Variants in SLC26A7 observed in about 807,000 individuals in gnomAD.
SLC26A7 encodes the protein solute carrier family 26 member 7.
A neutral mutation model predicts 82.5 loss-of-function variants in SLC26A7; 59 were observed. The observed-to-expected ratio is 0.72, with a 90% CI of 0.58 to 0.89. The LOEUF (loss-of-function observed/expected upper bound fraction) is 0.89. Among genes scored for constraint, SLC26A7 ranks in the 40% least tolerant of loss-of-function variants. SLC26A7 has a pLI of 0.00. For missense variants in SLC26A7, 820 were observed against 793.0 expected (o/e 1.03, Z -0.41); for synonymous variants, 271 against 274.3 (o/e 0.99, Z 0.12).
chr8:91,379,544 G>A (rs968952263), intron 15 of SLC26A7, among the ~76,000 whole-genome samples: 2 of 151,918 alleles, frequency 1.3e-5, no homozygotes, highest in African/African-American at 2.4e-5. Flanking sequence ...GACAAAAATG[G>A]CACTATAGAG....
rs58981485 is a variant in SLC26A7, at chr8:91,316,451, A to ATTTTTTT, written c.478-1732_478-1726dup. 1.8e-3 allele frequency among the ~76,000 whole-genome samples: 63 copies of ATTTTTTT among 34,422 alleles called. 10 individuals carry two copies. The highest frequency in any genetic ancestry group is 2.7e-3 in the Non-Finnish European group (50 of 18,846). The allele number at this position is 34,422 out of a possible 152,430, so 22.6% of individuals were successfully genotyped here. A position where few individuals can be genotyped will look rare whatever the true frequency, so the allele number is the denominator to read the frequency against. On this transcript the variant is annotated intron_variant, in intron 4 of 18. Coordinates refer to ENST00000276609, the MANE Select transcript of SLC26A7 (RefSeq NM_052832.4). Reference sequence around the variant, plus strand: ...GAACTCGCTGCCACACTCAACACTAATTTTTTTTTTTTTTTTTTTTTTTTT... The same window carrying ATTTTTTT: ...GAACTCGCTGCCACACTCAACACTAATTTTTTTTTTTTTTTTTTTTTTTTTTTTTTTT...
intron 2 of SLC26A7, among the ~76,000 whole-genome samples, chr8:91,240,897 C>A (rs888103819): frequency 6.6e-6 from 1 of 152,066 alleles, no homozygotes; most frequent in Non-Finnish European, 1.5e-5. Context: ...TTGAGTGAGA[C>A]CCTCAAAAGA....
At chr8:91,253,374 C>T (rs1465841976) in intron 2 of SLC26A7, among the ~76,000 whole-genome samples, 2 of 152,116 alleles carry the variant, frequency 1.3e-5, no homozygotes, top group East Asian at 3.9e-4. Flanking sequence ...TATCCCCTCT[C>T]ATTTTAACTA....
chr8:91,235,011 C>T (rs1188797528), intron 2 of SLC26A7, among the ~76,000 whole-genome samples: 2 of 151,962 alleles, frequency 1.3e-5, no homozygotes, highest in African/African-American at 4.8e-5. Context: ...CCTCTACCTC[C>T]TGGGCTCAAG....
chr8:91,320,124 A>C (rs1016531363), intron 5 of SLC26A7, among the ~76,000 whole-genome samples: 3 of 151,936 alleles, frequency 2.0e-5, no homozygotes, highest in Non-Finnish European at 2.9e-5. Flanking sequence ...GTACAGTGGC[A>C]TGATCTTGGC....
At chr8:91,247,820 C>T (rs576806026), upstream of SLC26A7, among the ~76,000 whole-genome samples, 4 of 152,014 alleles carry the variant, frequency 2.6e-5, no homozygotes, top group African/African-American at 9.6e-5. Flanking sequence ...TTCAGTTAAG[C>T]TTTCAATTAT....
chr8:91,266,145 A>G (rs1275586952), intron 2 of SLC26A7, among the ~76,000 whole-genome samples: 2 of 151,766 alleles, frequency 1.3e-5, no homozygotes, highest in African/African-American at 4.8e-5. Flanking sequence ...ATGGCTCTGT[A>G]GTATATTTTG....
intron 15 of SLC26A7, among the ~76,000 whole-genome samples, chr8:91,386,545 T>C (rs915294788): frequency 6.6e-6 from 1 of 152,204 alleles, no homozygotes; most frequent in African/African-American, 2.4e-5. Flanking sequence ...AATATGTCAG[T>C]GGTTTAAGTC....
intron 8 of SLC26A7, 145 bp from the exon 9 acceptor site, chr8:91,343,208 A>G (rs1586432911): frequency 1.7e-6 from 1 of 585,336 alleles, no homozygotes; most frequent in Non-Finnish European, 3.0e-6. Flanking sequence ...AATGTTAGCT[A>G]TTTGTATTGT....
At chr8:91,330,301 G>A (rs1425170640) in intron 5 of SLC26A7, among the ~76,000 whole-genome samples, 1 of 152,082 alleles carries the variant, frequency 6.6e-6, no homozygotes, top group Non-Finnish European at 1.5e-5. Flanking sequence ...CAGAATTCAG[G>A]CTCAACCTGA....
intron 15 of SLC26A7, among the ~76,000 whole-genome samples, chr8:91,387,667 TAA>T (rs1814836645): frequency 6.6e-6 from 1 of 152,246 alleles, no homozygotes; most frequent in Non-Finnish European, 1.5e-5. Flanking sequence ...CTTTTTGCAT[TAA>T]GTCTTCCCTG....
At chr8:91,372,277 T>C (rs563537078) in intron 15 of SLC26A7, among the ~76,000 whole-genome samples, 116 of 151,978 alleles carry the variant, frequency 7.6e-4, no homozygotes, top group African/African-American at 2.5e-3. Context: ...GTTGCATTTG[T>C]TTTGAGATCA....
At chr8:91,255,578 T>C (rs1262384074) in intron 2 of SLC26A7, among the ~76,000 whole-genome samples, 2 of 152,054 alleles carry the variant, frequency 1.3e-5, no homozygotes, top group African/African-American at 4.8e-5. Context: ...CCTAAATGAG[T>C]CTAAAGTATA....
intron 2 of SLC26A7, among the ~76,000 whole-genome samples, chr8:91,234,300 A>C (rs182008360): frequency 2.0e-5 from 3 of 152,298 alleles, no homozygotes; most frequent in African/African-American, 7.2e-5. Context: ...ATTCTTTTCA[A>C]AATGTTAAAG....
At chr8:91,270,856 A>G (rs1239046102) in intron 2 of SLC26A7, among the ~76,000 whole-genome samples, 3 of 152,170 alleles carry the variant, frequency 2.0e-5, no homozygotes, top group Admixed American at 2.0e-4. Context: ...AGTAGGTTAA[A>G]ATAGGACTGT....
chr8:91,297,630 C>T (rs550463798), intron 4 of SLC26A7, among the ~76,000 whole-genome samples: 1 of 152,040 alleles, frequency 6.6e-6, no homozygotes, highest in South Asian at 2.1e-4. Context: ...ACGTTTTAGC[C>T]AATTTTTAAG....
At chr8:91,280,178 C>T (rs1811531135) in intron 2 of SLC26A7, among the ~76,000 whole-genome samples, 1 of 152,130 alleles carries the variant, frequency 6.6e-6, no homozygotes, top group African/African-American at 2.4e-5. Context: ...AATCAGTGCC[C>T]AGACCAATGT....
chr8:91,302,423 A>G (rs1563668661), intron 4 of SLC26A7, among the ~76,000 whole-genome samples: 1 of 152,126 alleles, frequency 6.6e-6, no homozygotes, highest in African/African-American at 2.4e-5. Flanking sequence ...CAGACAAAAT[A>G]AATAATTTCT....
At chr8:91,330,030 T>C (rs1481201851) in intron 5 of SLC26A7, among the ~76,000 whole-genome samples, 1 of 152,170 alleles carries the variant, frequency 6.6e-6, no homozygotes, top group Non-Finnish European at 1.5e-5. Context: ...GTACCTACTT[T>C]TCTTTTGAAG....
Sources: gnomAD v4.1 joint callset for allele counts (sites outside exome capture counted in the v4.1 genomes callset) on GRCh38, gnomAD v4.1.1 for gene constraint, MANE v1.5 for transcripts, NCBI Gene and HGNC (gene_info 2026-07-23, HGNC 2026-07-21) for gene names.